SGCD: variants seen among roughly 807,000 people sequenced by gnomAD.
SGCD encodes sarcoglycan delta.
SGCD carries 18 observed loss-of-function variants against 36.6 expected under a neutral mutation model. That is an observed-to-expected ratio of 0.49 (90% CI 0.34 to 0.73). SGCD has a LOEUF of 0.73. Among genes scored for constraint, SGCD ranks in the 30% least tolerant of loss-of-function variants. The pLI, the probability that SGCD is intolerant of heterozygous loss-of-function variation, is 0.01. For synonymous variants in SGCD, 133 were observed against 130.6 expected, an observed-to-expected ratio of 1.02 and a Z score of -0.12; for missense variants, 387 against 346.7, an observed-to-expected ratio of 1.12 and a Z score of -0.92.
intron 3 of SGCD, among the ~76,000 whole-genome samples, chr5:156,429,699 G>C (rs745714878): frequency 1.3e-5 from 2 of 151,654 alleles, no homozygotes; most frequent in Non-Finnish European, 1.5e-5. Context: ...AGCATTTCTT[G>C]TAGTGCTGAT....
intron 3 of SGCD, among the ~76,000 whole-genome samples, chr5:156,381,875 A>T (rs935640754): frequency 6.6e-6 from 1 of 152,194 alleles, no homozygotes; most frequent in East Asian, 1.9e-4. Context: ...TAGTTTTCTC[A>T]TCCATAAAAA....
the SGCD span, among the ~76,000 whole-genome samples, chr5:155,852,961 T>C: frequency 6.6e-6 from 1 of 152,106 alleles, no homozygotes; most frequent in African/African-American, 2.4e-5. Context: ...TTTGTACGAA[T>C]TGGGACATGC....
At chr5:155,947,927 A>G (rs1757471958) in intron 1 of SGCD, among the ~76,000 whole-genome samples, 1 of 144,042 alleles carries the variant, frequency 6.9e-6, no homozygotes, top group Admixed American at 8.0e-5. Flanking sequence ...TTTCATCTAT[A>G]AAAGTGAAAA....
At chr5:156,415,461 G>A (rs950189302) in intron 3 of SGCD, among the ~76,000 whole-genome samples, 2 of 152,216 alleles carry the variant, frequency 1.3e-5, no homozygotes, top group African/African-American at 4.8e-5. Context: ...GGTCTCAGGT[G>A]GGTGTGACAG....
At chr5:156,570,229 C>T (rs1759663213) in intron 4 of SGCD, among the ~76,000 whole-genome samples, 1 of 152,106 alleles carries the variant, frequency 6.6e-6, no homozygotes, top group East Asian at 1.9e-4. Flanking sequence ...TGTTGTTTGG[C>T]ATTTCTTTGT....
chr5:156,346,505 G>A (rs531900735), intron 3 of SGCD, among the ~76,000 whole-genome samples: 54 of 152,020 alleles, frequency 3.6e-4, no homozygotes, highest in Non-Finnish European at 6.3e-4. Flanking sequence ...TCACTGTGTG[G>A]CCCAAGCTGG....
chr5:155,808,266 C>T, the SGCD span, among the ~76,000 whole-genome samples: 3 of 152,116 alleles, frequency 2.0e-5, no homozygotes, highest in African/African-American at 7.2e-5. Context: ...TCATTTGTTT[C>T]CAAATCTTAT....
intron 3 of SGCD, among the ~76,000 whole-genome samples, chr5:156,208,316 T>C (rs1259379702): frequency 6.6e-6 from 1 of 152,224 alleles, no homozygotes; most frequent in Non-Finnish European, 1.5e-5. Flanking sequence ...TTTTAGATTT[T>C]AGTTTTATAT....
chr5:156,153,166 A>C (rs973259668), intron 3 of SGCD, among the ~76,000 whole-genome samples: 2 of 151,572 alleles, frequency 1.3e-5, no homozygotes, highest in African/African-American at 4.9e-5. Context: ...TTTCTATTCT[A>C]TGAACTGAAT....
chr5:155,780,316 T>C, the SGCD span, among the ~76,000 whole-genome samples: 1 of 152,206 alleles, frequency 6.6e-6, no homozygotes, highest in South Asian at 2.1e-4. Flanking sequence ...GTAAATTGTA[T>C]GTGCTCCAAC....
chr5:156,524,772 C>G (rs1023332459), intron 4 of SGCD, among the ~76,000 whole-genome samples: 5 of 151,896 alleles, frequency 3.3e-5, no homozygotes, highest in Non-Finnish European at 2.9e-5. Flanking sequence ...CACTAACAAC[C>G]CTTCTACTCA....
chr5:156,642,461 CTTTT>C (rs58501471), intron 6 of SGCD, among the ~76,000 whole-genome samples: 23 of 80,036 alleles, frequency 2.9e-4, no homozygotes, highest in African/African-American at 1.2e-3. Flanking sequence ...CAGCATCAGT[CTTTT>C]TTTTTTTTTT....
chr5:156,500,787 G>A (rs1469254479), intron 3 of SGCD, among the ~76,000 whole-genome samples: 1 of 152,206 alleles, frequency 6.6e-6, no homozygotes, highest in African/African-American at 2.4e-5. Context: ...TCCTGGAACA[G>A]ATCAGAAATG....
the SGCD span, among the ~76,000 whole-genome samples, chr5:155,852,428 T>G: frequency 6.6e-6 from 1 of 152,156 alleles, no homozygotes; most frequent in Non-Finnish European, 1.5e-5. Context: ...CCCATATACT[T>G]CATGTATTTT....
In SGCD at chr5:156,757,590, C is replaced by T. The variant is rs765228244; in HGVS notation, c.585C>T (p.Ser195=). Residue 195 remains serine, a synonymous_variant, in exon 8 of 9, where the codon TCC becomes TCT. Transcript: ENST00000337851. ...ADPFKELRLE[S]PTRSLVMEAP... ...CTTGGGTGTTTTTCAGGTTGGAGTC[C>T]CCAACCCGGTCTCTAGTGATGGAGG... 6.2e-7 allele frequency: 1 copy of T among 1,604,836 alleles called. No homozygotes were observed. The highest frequency in any genetic ancestry group is 2.2e-5 in the East Asian group (1 of 44,684).
At chr5:156,046,496 T>A (rs1759768444) in intron 1 of SGCD, among the ~76,000 whole-genome samples, 1 of 152,188 alleles carries the variant, frequency 6.6e-6, no homozygotes, top group South Asian at 2.1e-4. Flanking sequence ...GTGTGCTCAC[T>A]TTGTGTCTCT....
intron 1 of SGCD, among the ~76,000 whole-genome samples, chr5:155,939,119 A>G (rs899317893): frequency 2.0e-5 from 3 of 152,182 alleles, no homozygotes; most frequent in African/African-American, 7.2e-5. Context: ...GAAAATGTTC[A>G]AGAGATTTAT....
At chr5:155,923,145 A>G (rs1452278305) in intron 1 of SGCD, among the ~76,000 whole-genome samples, 1 of 152,168 alleles carries the variant, frequency 6.6e-6, no homozygotes, top group Non-Finnish European at 1.5e-5. Flanking sequence ...AGCAGGTGCT[A>G]CAGGAAAATA....
intron 1 of SGCD, among the ~76,000 whole-genome samples, chr5:155,874,332 CTGTT>C (rs1191916936): frequency 3.3e-5 from 5 of 152,042 alleles, no homozygotes; most frequent in African/African-American, 7.2e-5. Flanking sequence ...TTTCTAGAAA[CTGTT>C]TGAAGAAAAA....
Sources: gnomAD v4.1 joint callset for allele counts (sites outside exome capture counted in the v4.1 genomes callset) on GRCh38, gnomAD v4.1.1 for gene constraint, MANE v1.5 for transcripts, NCBI Gene and HGNC (gene_info 2026-07-23, HGNC 2026-07-21) for gene names.